AEN: variants seen among roughly 807,000 people sequenced by gnomAD.
AEN encodes the protein apoptosis-enhancing nuclease.
In AEN, 21 loss-of-function variants were observed where a neutral mutation model predicts 17.7. The ratio of observed to expected loss-of-function variants is 1.19; its 90% CI spans 0.84 to 1.71. The LOEUF is 1.71. Among genes scored for constraint, AEN ranks in the 40% most tolerant of loss-of-function variants. The probability of loss-of-function intolerance (pLI) is 0.00; values close to 1 mark genes in which losing one functional copy is unlikely to be tolerated. For missense variants in AEN, 462 were observed against 435.9 expected (o/e 1.06, Z -0.53); for synonymous variants, 190 against 173.0 (o/e 1.10, Z -0.77).
intron 1 of AEN, among the ~76,000 whole-genome samples, chr15:88,622,634 G>C (rs2057802406): frequency 6.6e-6 from 1 of 152,120 alleles, no homozygotes; most frequent in African/African-American, 2.4e-5. Context: ...GAACAGAACA[G>C]AACAAGAGAT....
upstream of AEN, among the ~76,000 whole-genome samples, chr15:88,620,398 TTTTC>T (rs375940011): frequency 8.7e-4 from 132 of 151,988 alleles, 1 homozygote; most frequent in East Asian, 0.019. Flanking sequence ...TTACACTGAA[TTTTC>T]TTTCTTTCTT....
intron 3 of AEN, 143 bp from the exon 4 acceptor site, chr15:88,629,915 C>T: frequency 2.7e-6 from 2 of 744,654 alleles, no homozygotes; most frequent in Non-Finnish European, 4.6e-6. Flanking sequence ...AGTTGAGGTT[C>T]CATCCCTTTT....
At chr15:88,608,363 C>T in the AEN span, among the ~76,000 whole-genome samples, 1 of 152,208 alleles carries the variant, frequency 6.6e-6, no homozygotes, top group Non-Finnish European at 1.5e-5. Context: ...CAGCTTACTT[C>T]AACATACCTG....
At chr15:88,626,830 T>A in intron 2 of AEN, 81 bp downstream of exon 2, 1 of 1,477,414 alleles carries the variant, frequency 6.8e-7, no homozygotes, top group Non-Finnish European at 9.1e-7. Flanking sequence ...CCACTTTGCT[T>A]CACTGGGGGC....
rs1350767418 is a variant in AEN, at chr15:88,631,408, T to A, written c.*1114T>A. The A allele has an allele frequency of 4.1e-6, 1 of 246,392 alleles. No homozygotes were observed. Among genetic ancestry groups the A allele is most frequent in the Non-Finnish European group, 8.6e-6 (1 of 116,278 alleles). The allele number at this position is 246,392 out of a possible 1,614,324, so 15.3% of individuals were successfully genotyped here. A position where few individuals can be genotyped will look rare whatever the true frequency, so the allele number is the denominator to read the frequency against. On this transcript the variant is annotated 3_prime_UTR_variant, in exon 4 of 4. Coordinates refer to ENST00000332810, the MANE Select transcript of AEN (RefSeq NM_022767.4). ...GTTCTCTTCTTTCCTAAGTGACAGTTTTGAAGTATTGGATAACCAAGAGCT... is the reference window on the plus strand; with the variant it reads ...GTTCTCTTCTTTCCTAAGTGACAGTATTGAAGTATTGGATAACCAAGAGCT...
the AEN span, among the ~76,000 whole-genome samples, chr15:88,607,071 G>A: frequency 3.0e-4 from 45 of 152,228 alleles, no homozygotes; most frequent in Non-Finnish European, 4.7e-4. Flanking sequence ...AGTCATCCCT[G>A]CCCCACTAAA....
the AEN span, among the ~76,000 whole-genome samples, chr15:88,614,480 G>A: frequency 4.6e-5 from 7 of 152,162 alleles, no homozygotes; most frequent in African/African-American, 1.7e-4. Flanking sequence ...AAATTACAGC[G>A]TAAGTCACAG....
rs1381413437 is a variant in AEN, at chr15:88,631,786, G to C, written c.*1492G>C. The C allele has an allele frequency of 6.6e-6, 1 of 152,484 alleles. No individual in the cohort carries two copies. The highest frequency in any genetic ancestry group is 1.5e-5 in the Non-Finnish European group (1 of 68,238). The allele number at this position is 152,484 out of a possible 1,614,324, so 9.4% of individuals were successfully genotyped here. Reference sequence around the variant, plus strand: ...TGCTCCGGCTTGGCTGTTCCAGCAGGTGGGGCGCTGGCCTCGGTGAGGGCA... The same window carrying C: ...TGCTCCGGCTTGGCTGTTCCAGCAGCTGGGGCGCTGGCCTCGGTGAGGGCA... On this transcript the variant is annotated 3_prime_UTR_variant, in exon 4 of 4. Coordinates refer to ENST00000332810, the MANE Select transcript of AEN (RefSeq NM_022767.4).
At chr15:88,613,765 A>G in the AEN span, among the ~76,000 whole-genome samples, 1 of 151,464 alleles carries the variant, frequency 6.6e-6, no homozygotes, top group Non-Finnish European at 1.5e-5. Flanking sequence ...CAGATTCCTC[A>G]ACTGTGAAAC....
chr15:88,622,370 T>C (rs1366378048), intron 1 of AEN, among the ~76,000 whole-genome samples: 1 of 152,210 alleles, frequency 6.6e-6, no homozygotes, highest in Non-Finnish European at 1.5e-5. Context: ...TGATGACTGT[T>C]GGTTTTGACG....
upstream of AEN, among the ~76,000 whole-genome samples, chr15:88,617,050 C>G (rs2057744347): frequency 6.6e-6 from 1 of 152,134 alleles, no homozygotes; most frequent in Admixed American, 6.5e-5. Flanking sequence ...GCAATGGAGT[C>G]TAAATATCAT....
At chr15:88,611,542 G>C in the AEN span, among the ~76,000 whole-genome samples, 2 of 151,938 alleles carry the variant, frequency 1.3e-5, no homozygotes, top group African/African-American at 4.8e-5. Flanking sequence ...GCTGGAGTGA[G>C]CTGTGATTGC....
upstream of AEN, among the ~76,000 whole-genome samples, chr15:88,619,020 C>T (rs1471313156): frequency 6.6e-6 from 1 of 152,148 alleles, no homozygotes; most frequent in East Asian, 1.9e-4. Context: ...TGGTCTCAAA[C>T]TCCTGGCCTC....
Sources: allele counts gnomAD v4.1 joint callset (sites outside exome capture counted in the v4.1 genomes callset), GRCh38; gene constraint gnomAD v4.1.1; transcripts MANE v1.5; gene names NCBI Gene and HGNC (gene_info 2026-07-23, HGNC 2026-07-21).